ELF2: variants seen among roughly 807,000 people sequenced by gnomAD.
ELF2 encodes the protein ETS-related transcription factor Elf-2.
A neutral mutation model predicts 54.8 loss-of-function variants in ELF2; 11 were observed. The ratio of observed to expected loss-of-function variants is 0.20; its 90% CI spans 0.13 to 0.33. The LOEUF (loss-of-function observed/expected upper bound fraction) is 0.33, where lower values mean the gene tolerates loss of function less well. ELF2 is among the 10% of genes least tolerant of loss of function. The pLI is 1.00. For synonymous variants in ELF2, 203 were observed against 245.1 expected (o/e 0.83, Z 1.61); for missense variants, 513 against 703.0 (o/e 0.73, Z 3.06).
At chr4:139,114,596 C>CACACACACA (rs1560826314) in intron 4 of ELF2, among the ~76,000 whole-genome samples, 3 of 146,852 alleles carry the variant, frequency 2.0e-5, no homozygotes, top group Non-Finnish European at 4.5e-5. Flanking sequence ...CACACACACA[C>CACACACACA]AATTTAGGAG....
intron 4 of ELF2, among the ~76,000 whole-genome samples, chr4:139,099,708 GC>G (rs1733675591): frequency 1.3e-5 from 2 of 152,166 alleles, no homozygotes; most frequent in African/African-American, 4.8e-5. Flanking sequence ...TCACATTAAT[GC>G]CAGATTTTAT....
chr4:139,075,911 ATTTTT>A (rs1012418633), intron 4 of ELF2, among the ~76,000 whole-genome samples: 3 of 152,106 alleles, frequency 2.0e-5, no homozygotes, highest in Non-Finnish European at 4.4e-5. Flanking sequence ...AACTTGACAG[ATTTTT>A]TTTAAGATGT....
intron 6 of ELF2, 36 bp downstream of exon 6, chr4:139,071,830 C>A (rs776288221): frequency 9.1e-6 from 14 of 1,544,412 alleles, no homozygotes; most frequent in Non-Finnish European, 1.2e-5. Context: ...GAAAAATTTT[C>A]ACCTGCCTTC....
At position 139,067,744 on chromosome 4, in the gene ELF2, A is replaced by T. The variant is rs762876497; in HGVS notation, c.553T>A (p.Ser185Thr). The change falls in exon 7 of 10, where the codon TCA (serine) becomes ACA (threonine). Residue 185 changes from serine (S) to threonine (T), a missense_variant. Ser to Thr is a moderately conservative substitution (Grantham distance 58, BLOSUM62 1). Coordinates refer to ENST00000686138, the MANE Select transcript of ELF2 (RefSeq NM_001331036.3). Reference protein sequence around the residue: ...KVGRKPKTQQSPISNGSPELG... With the variant: ...KVGRKPKTQQTPISNGSPELG... Reference sequence around the variant, plus strand: ...TCAGGAGACCCATTGGAAATTGGTGATTGCTGGGTCTTTGGTTTACGGCCA... The same window carrying T: ...TCAGGAGACCCATTGGAAATTGGTGTTTGCTGGGTCTTTGGTTTACGGCCA... 99 of 1,603,684 alleles carry T rather than the reference A, an allele frequency of 6.2e-5. No homozygotes were observed. The highest frequency in any genetic ancestry group is 8.4e-5 in the Non-Finnish European group (98 of 1,172,866).
At chr4:139,101,337 C>T (rs1278531058) in intron 4 of ELF2, among the ~76,000 whole-genome samples, 2 of 152,160 alleles carry the variant, frequency 1.3e-5, no homozygotes, top group African/African-American at 4.8e-5. Flanking sequence ...TCTCAGGTAA[C>T]CCCACTAATG....
chr4:139,081,033 T>C (rs1731040141), intron 4 of ELF2, among the ~76,000 whole-genome samples: 1 of 151,514 alleles, frequency 6.6e-6, no homozygotes, highest in South Asian at 2.1e-4. Context: ...TCATTAGCAA[T>C]CATCTAGTCA....
intron 1 of ELF2, among the ~76,000 whole-genome samples, chr4:139,147,540 CG>C (rs761175411): frequency 7.2e-5 from 11 of 152,168 alleles, no homozygotes; most frequent in Non-Finnish European, 1.3e-4. Context: ...GGCGCGATCT[CG>C]GCTCACGGCA....
chr4:139,119,835 C>T (rs917785579), intron 4 of ELF2, among the ~76,000 whole-genome samples: 1 of 152,006 alleles, frequency 6.6e-6, no homozygotes, highest in African/African-American at 2.4e-5. Context: ...AGTGCAGTGG[C>T]ATGATCTCAG....
At chr4:139,084,017 C>T (rs1578743778) in intron 4 of ELF2, 4 of 1,543,546 alleles carry the variant, frequency 2.6e-6, no homozygotes, top group Non-Finnish European at 3.5e-6. Flanking sequence ...GCCCCAGTGA[C>T]TGTGAGGTGG....
At chr4:139,152,290 G>A (rs764818902) in intron 1 of ELF2, among the ~76,000 whole-genome samples, 8 of 151,788 alleles carry the variant, frequency 5.3e-5, no homozygotes, top group Non-Finnish European at 1.2e-4. Flanking sequence ...AATATTAACA[G>A]TATTATCGTG....
chr4:139,139,467 A>T lies in ELF2; in HGVS notation c.-221T>A. On this transcript the variant is annotated 5_prime_UTR_variant, in exon 2 of 10. Transcript: ENST00000686138. ...TTCACTATTTTCACAACTTGGGAAG[A>T]GCTAAAATCTGAACCAGTAGTTCTT... 8.1e-7 allele frequency: 1 copy of T among 1,229,960 alleles called. No homozygotes were observed. Among genetic ancestry groups the T allele is most frequent in the Admixed American group, 4.2e-5 (1 of 23,670 alleles). 76.2% of individuals were successfully genotyped at this position (1,229,960 alleles called of 1,614,324 possible). A position where few individuals can be genotyped will look rare whatever the true frequency, so the allele number is the denominator to read the frequency against.
intron 1 of ELF2, among the ~76,000 whole-genome samples, chr4:139,157,906 G>T (rs1740709150): frequency 1.3e-5 from 2 of 152,208 alleles, no homozygotes; most frequent in African/African-American, 4.8e-5. Context: ...TGGCGCAATG[G>T]ATAACGCGTC....
rs543334343 is a variant in ELF2, at chr4:139,142,988, G to A, written c.-251-3491C>T. 1.4e-3 allele frequency among the ~76,000 whole-genome samples: 207 copies of A among 152,078 alleles called. 1 individual carries two copies. The highest frequency in any genetic ancestry group is 4.8e-3 in the African/African-American group (200 of 41,348). ...AAGAAAGAAGTCAAGAATGAATCCA[G>A]GCTGGAGGATTCTCAGATGATGGAG... On this transcript the variant is annotated intron_variant, in intron 1 of 9. Transcript: ENST00000686138.
In ELF2 at chr4:139,067,844, G is replaced by A. The variant is rs1009752080; in HGVS notation, c.527-74C>T. On this transcript the variant is annotated intron_variant, in intron 6 of 9. Transcript: ENST00000686138. ...GAGAGGCACGATTAGCAGACTTTCTGATTACACATTATTCATTTAAATGGA... is the reference window on the plus strand; with the variant it reads ...GAGAGGCACGATTAGCAGACTTTCTAATTACACATTATTCATTTAAATGGA... 4 of 1,368,118 alleles carry A rather than the reference G, an allele frequency of 2.9e-6. No homozygotes were observed. In the African/African-American group the frequency reaches 4.4e-5, roughly 15 times the overall value. The allele number at this position is 1,368,118 out of a possible 1,614,324, so 84.7% of individuals were successfully genotyped here.
chr4:139,146,948 C>A (rs2148876371), intron 1 of ELF2, among the ~76,000 whole-genome samples: 1 of 152,230 alleles, frequency 6.6e-6, no homozygotes, highest in East Asian at 1.9e-4. Context: ...GAAAAAAATT[C>A]TTCTGGACAT....
At chr4:139,168,528 G>A (rs906536454) in intron 1 of ELF2, among the ~76,000 whole-genome samples, 2 of 152,086 alleles carry the variant, frequency 1.3e-5, no homozygotes, top group Non-Finnish European at 2.9e-5. Flanking sequence ...GGCAGACTTA[G>A]CCTGAGAATC....
At chr4:139,122,577 C>T (rs1241960776) in intron 4 of ELF2, among the ~76,000 whole-genome samples, 3 of 152,054 alleles carry the variant, frequency 2.0e-5, no homozygotes, top group East Asian at 3.9e-4. Context: ...TCTTGGTTCA[C>T]CACAACCTCC....
At chr4:139,075,699 G>C (rs1047944024) in intron 4 of ELF2, among the ~76,000 whole-genome samples, 7 of 152,132 alleles carry the variant, frequency 4.6e-5, no homozygotes, top group African/African-American at 1.4e-4. Context: ...AAAGTGCTGG[G>C]ATTACAGGCA....
At chr4:139,067,511 G>A in intron 7 of ELF2, 173 bp downstream of exon 7, 1 of 596,104 alleles carries the variant, frequency 1.7e-6, no homozygotes, top group African/African-American at 1.8e-5. Context: ...ACTGGGCACA[G>A]ATATTTTGAA....
Sources: gnomAD v4.1 joint callset for allele counts (sites outside exome capture counted in the v4.1 genomes callset) on GRCh38, gnomAD v4.1.1 for gene constraint, MANE v1.5 for transcripts, NCBI Gene and HGNC (gene_info 2026-07-23, HGNC 2026-07-21) for gene names.